The following LAMA3 variants were observed in gnomAD, a reference collection of about 807,000 sequenced individuals.
LAMA3 encodes laminin subunit alpha 3.
LAMA3 carries 281 observed loss-of-function variants against 402.0 expected under a neutral mutation model. That is an observed-to-expected ratio of 0.70 (90% CI 0.63 to 0.77). The LOEUF is 0.77. Ranked by LOEUF, LAMA3 falls within the 30% of genes least tolerant of loss-of-function variation. LAMA3 has a pLI of 0.00. For missense variants in LAMA3, 3,840 were observed against 4,215.5 expected (o/e 0.91, Z 2.47); for synonymous variants, 1,431 against 1,558.4 (o/e 0.92, Z 1.93).
At chr18:23,716,072 C>T (rs917079768) in intron 2 of LAMA3, among the ~76,000 whole-genome samples, 1 of 152,172 alleles carries the variant, frequency 6.6e-6, no homozygotes, top group Non-Finnish European at 1.5e-5. Flanking sequence ...CTCCTTTCAA[C>T]TATAAGTTAG....
chr18:23,762,942 C>T (rs764759928), intron 7 of LAMA3, among the ~76,000 whole-genome samples: 10 of 151,898 alleles, frequency 6.6e-5, no homozygotes, highest in East Asian at 1.9e-4. Flanking sequence ...CTGCAACCTC[C>T]GCCTTCTGGG....
chr18:23,899,191 T>C (rs993557642), intron 46 of LAMA3, 97 bp from the exon 47 acceptor site: 55 of 1,298,466 alleles, frequency 4.2e-5, no homozygotes, highest in Middle Eastern at 4.4e-4. Flanking sequence ...AAAAAACTAA[T>C]ATAAAATCTC....
rs2061899862 is a variant in LAMA3 at position 23,758,516 on chromosome 18, G to T, written c.1063+5G>T. On this transcript the variant is annotated splice_donor_5th_base_variant and intron_variant, in intron 7 of 74. Transcript: ENST00000313654. The stretch of plus-strand genomic sequence containing the variant: ...AGCAGAGCCACGAGTGTGAAGGTGG[G>T]TGTGGGGATGGGGTGGGGGCCACAC... 1.9e-6 allele frequency: 3 copies of T among 1,608,596 alleles called. No homozygotes were observed. Among genetic ancestry groups the T allele is most frequent in the South Asian group, 2.2e-5 (2 of 90,824 alleles).
chr18:23,778,868 A>G (rs1473841852), intron 11 of LAMA3, among the ~76,000 whole-genome samples: 1 of 152,224 alleles, frequency 6.6e-6, no homozygotes, highest in Non-Finnish European at 1.5e-5. Context: ...CTACAGCAAC[A>G]TAGTAACTCA....
chr18:23,897,115 A>C (rs777731508), intron 44 of LAMA3, among the ~76,000 whole-genome samples: 1 of 152,214 alleles, frequency 6.6e-6, no homozygotes, highest in Non-Finnish European at 1.5e-5. Context: ...TCAAACAAGA[A>C]GAGGTAGATA....
At chr18:23,702,944 T>G (rs2060817857) in intron 1 of LAMA3, among the ~76,000 whole-genome samples, 1 of 152,180 alleles carries the variant, frequency 6.6e-6, no homozygotes, top group African/African-American at 2.4e-5. Flanking sequence ...ACCTTGTAGA[T>G]TTGTCATGGA....
chr18:23,784,479 G>A (rs541129284), intron 12 of LAMA3, among the ~76,000 whole-genome samples: 5 of 152,248 alleles, frequency 3.3e-5, no homozygotes, highest in African/African-American at 9.6e-5. Flanking sequence ...CTGTTGGGGC[G>A]GGTCTCCAGA....
rs1172573651 is a variant in LAMA3 at position 23,871,602 on chromosome 18, A to G, written c.4939A>G (p.Ile1647Val). 2 of 1,614,058 alleles carry G rather than the reference A, an allele frequency of 1.2e-6. No homozygotes were observed. Among genetic ancestry groups the G allele is most frequent in the African/African-American group, 2.7e-5 (2 of 75,058 alleles). Residue 1647 changes from isoleucine (I) to valine (V), a missense_variant, in exon 38 of 75, where the codon ATA becomes GTA. Transcript: ENST00000313654. Reference protein sequence around the residue: ...EEASDTGSGRIALAVEICACP... With the variant: ...EEASDTGSGRVALAVEICACP... ...AGCCTCTGACACAGGAAGTGGGCGC[A>G]TAGCACTTGCTGTGGAAATCTGTGC...
chr18:23,888,840 A>G (rs1022628209), intron 41 of LAMA3, among the ~76,000 whole-genome samples: 31 of 152,058 alleles, frequency 2.0e-4, no homozygotes, highest in Middle Eastern at 6.8e-3. Flanking sequence ...GTTTAATGAC[A>G]ATTTGGGGGT....
At chr18:23,725,761 C>T (rs1008623241) in intron 2 of LAMA3, among the ~76,000 whole-genome samples, 3 of 152,222 alleles carry the variant, frequency 2.0e-5, no homozygotes, top group Admixed American at 1.3e-4. Context: ...CACAAGGTTC[C>T]CTTTGGTCTT....
chr18:23,817,199 A>G (rs972193195), intron 18 of LAMA3, among the ~76,000 whole-genome samples: 2 of 152,196 alleles, frequency 1.3e-5, no homozygotes, highest in Admixed American at 6.5e-5. Context: ...CTGGGGAACT[A>G]TAGGAACTAT....
chr18:23,744,438 A>G (rs1045804380), intron 2 of LAMA3, among the ~76,000 whole-genome samples: 1 of 152,200 alleles, frequency 6.6e-6, no homozygotes, highest in Non-Finnish European at 1.5e-5. Flanking sequence ...TGGTGCCATC[A>G]GTGGACTTAT....
At chr18:23,825,003 G>A (rs945702509) in intron 21 of LAMA3, among the ~76,000 whole-genome samples, 1 of 152,134 alleles carries the variant, frequency 6.6e-6, no homozygotes, top group Admixed American at 6.5e-5. Context: ...TCTGGAGATT[G>A]TGTAGAACCA....
intron 60 of LAMA3, among the ~76,000 whole-genome samples, chr18:23,920,580 C>A (rs559632755): frequency 1.3e-5 from 2 of 152,280 alleles, no homozygotes; most frequent in South Asian, 2.1e-4. Flanking sequence ...CTGCATAAGA[C>A]CTCGCCTCTC....
intron 42 of LAMA3, among the ~76,000 whole-genome samples, chr18:23,892,903 C>CA (rs34079963): frequency 0.35 from 24,399 of 68,944 alleles, 4,326 homozygotes; most frequent in East Asian, 0.65. Flanking sequence ...AACTCTGTCT[C>CA]AAAAAAAAAA....
chr18:23,795,392 G>T (rs1006224141), intron 12 of LAMA3, among the ~76,000 whole-genome samples: 4 of 152,152 alleles, frequency 2.6e-5, no homozygotes, highest in African/African-American at 4.8e-5. Context: ...TTAAGTAAAT[G>T]GGCATTTATA....
chr18:23,714,573 T>C (rs1183902835), intron 2 of LAMA3, among the ~76,000 whole-genome samples: 1 of 152,154 alleles, frequency 6.6e-6, no homozygotes. Context: ...TGCAGATAGA[T>C]GCCCATCCCT....
intron 11 of LAMA3, among the ~76,000 whole-genome samples, chr18:23,783,280 TCA>T (rs2062472919): frequency 6.6e-6 from 1 of 152,018 alleles, no homozygotes; most frequent in Non-Finnish European, 1.5e-5. Flanking sequence ...TCAAAGCAAG[TCA>T]CAGACCAATA....
At chr18:23,762,342 A>C (rs1332187107) in intron 7 of LAMA3, among the ~76,000 whole-genome samples, 1 of 152,132 alleles carries the variant, frequency 6.6e-6, no homozygotes, top group African/African-American at 2.4e-5. Context: ...TAATCCCAGC[A>C]CTTTGGGAGG....
Sources: allele counts gnomAD v4.1 joint callset (sites outside exome capture counted in the v4.1 genomes callset), GRCh38; gene constraint gnomAD v4.1.1; transcripts MANE v1.5; gene names NCBI Gene and HGNC (gene_info 2026-07-23, HGNC 2026-07-21).